The following KCNMA1 variants were observed in gnomAD, a reference collection of about 807,000 sequenced individuals.
KCNMA1 encodes potassium calcium-activated channel subfamily M alpha 1.
KCNMA1 carries 29 observed loss-of-function variants against 140.0 expected under a neutral mutation model. The observed-to-expected ratio is 0.21, with a 90% CI of 0.15 to 0.28. The LOEUF (loss-of-function observed/expected upper bound fraction) is 0.28, where lower values mean the gene tolerates loss of function less well. Among genes scored for constraint, KCNMA1 ranks in the 10% least tolerant of loss-of-function variants. The pLI, the probability that KCNMA1 is intolerant of heterozygous loss-of-function variation, is 1.00. For missense variants in KCNMA1, 880 were observed against 1,602.2 expected (o/e 0.55, Z 7.70); for synonymous variants, 612 against 611.9 (o/e 1.00, Z 0.00).
intron 2 of KCNMA1, among the ~76,000 whole-genome samples, chr10:77,283,332 C>A (rs1359929430): frequency 6.6e-6 from 1 of 152,172 alleles, no homozygotes; most frequent in African/African-American, 2.4e-5. Context: ...CACTCTGGCT[C>A]GAGGAGGAGG....
chr10:77,000,199 A>C (rs2085756881), intron 19 of KCNMA1, among the ~76,000 whole-genome samples: 1 of 152,220 alleles, frequency 6.6e-6, no homozygotes, highest in Admixed American at 6.5e-5. Flanking sequence ...AGAGGTTAGC[A>C]ATATATGTGT....
chr10:76,980,710 G>T (rs2079168279), intron 19 of KCNMA1: 1 of 152,114 alleles, frequency 6.6e-6, no homozygotes, highest in Admixed American at 6.5e-5. Flanking sequence ...GCTGCCTACT[G>T]TACCCCCATA....
At chr10:76,968,075 G>T (rs1476411862) in intron 20 of KCNMA1, among the ~76,000 whole-genome samples, 1 of 152,002 alleles carries the variant, frequency 6.6e-6, no homozygotes, top group East Asian at 1.9e-4. Flanking sequence ...TTTTCTGCTT[G>T]TGGAAAAAAA....
chr10:77,389,635 G>A (rs187329851), intron 2 of KCNMA1, among the ~76,000 whole-genome samples: 1 of 152,124 alleles, frequency 6.6e-6, no homozygotes, highest in Non-Finnish European at 1.5e-5. Context: ...ACTGAGGAAG[G>A]TTCCAAAAGA....
chr10:77,241,280 C>CA (rs1365260403), intron 3 of KCNMA1, among the ~76,000 whole-genome samples: 3 of 151,870 alleles, frequency 2.0e-5, no homozygotes, highest in Non-Finnish European at 4.4e-5. Context: ...TTATGGGACA[C>CA]AAAAAAGTCT....
At chr10:77,070,348 A>G (rs1307893246) in intron 14 of KCNMA1, among the ~76,000 whole-genome samples, 1 of 152,142 alleles carries the variant, frequency 6.6e-6, no homozygotes, top group Non-Finnish European at 1.5e-5. Flanking sequence ...CCCAGTGGAT[A>G]GTCACTGTGC....
intron 2 of KCNMA1, among the ~76,000 whole-genome samples, chr10:77,261,424 T>C (rs951706355): frequency 1.3e-5 from 2 of 152,140 alleles, no homozygotes; most frequent in African/African-American, 2.4e-5. Flanking sequence ...GACATAACTA[T>C]AGGGCCAGAG....
intron 15 of KCNMA1, among the ~76,000 whole-genome samples, chr10:77,030,508 G>A (rs994910579): frequency 2.6e-5 from 4 of 152,156 alleles, no homozygotes; most frequent in African/African-American, 9.7e-5. Context: ...TCGTGCAAAG[G>A]TTAATTTGCT....
chr10:77,304,485 G>A (rs1466265169), intron 2 of KCNMA1: 8 of 152,160 alleles, frequency 5.3e-5, no homozygotes, highest in Non-Finnish European at 8.8e-5. Flanking sequence ...CATGGAACGG[G>A]GAATGATCGA....
intron 1 of KCNMA1, among the ~76,000 whole-genome samples, chr10:77,408,535 T>C (rs1306770432): frequency 2.0e-5 from 3 of 152,172 alleles, no homozygotes; most frequent in Non-Finnish European, 4.4e-5. Context: ...CATCTGTGTG[T>C]GTGCTCACAC....
intron 2 of KCNMA1, among the ~76,000 whole-genome samples, chr10:77,386,414 G>A (rs1180995459): frequency 6.6e-6 from 1 of 152,198 alleles, no homozygotes; most frequent in Non-Finnish European, 1.5e-5. Flanking sequence ...ATTGAGGAAC[G>A]AATGAGGAGT....
chr10:77,086,599 C>T lies in KCNMA1; in HGVS notation c.1335-6G>A, dbSNP rs199782957. 12 of 1,599,872 alleles carry T rather than the reference C, an allele frequency of 7.5e-6. No individual in the cohort carries two copies. Among genetic ancestry groups the T allele is most frequent in the Admixed American group, 1.7e-5 (1 of 59,960 alleles). On this transcript the variant is annotated splice_region_variant and splice_polypyrimidine_tract_variant and intron_variant, in intron 10 of 27. Coordinates refer to ENST00000286628, the MANE Select transcript of KCNMA1 (RefSeq NM_001161352.2). ...GCTCCAGGTTGGGGGAGATGCTACA[C>T]AGGGAGAGAAGAAATCGCTATTAAT... is the stretch of plus-strand genomic sequence containing the variant.
At chr10:77,405,956 G>A (rs1156471670) in intron 1 of KCNMA1, among the ~76,000 whole-genome samples, 1 of 152,176 alleles carries the variant, frequency 6.6e-6, no homozygotes, top group Non-Finnish European at 1.5e-5. Context: ...GGCTGCCTGT[G>A]GCTCAGGGAA....
chr10:77,102,968 A>G (rs2097131470), intron 9 of KCNMA1, among the ~76,000 whole-genome samples: 1 of 152,162 alleles, frequency 6.6e-6, no homozygotes, highest in Non-Finnish European at 1.5e-5. Flanking sequence ...ACCCAGCATC[A>G]TGCCTGATGC....
chr10:77,630,585 C>T (rs1438519397), intron 1 of KCNMA1, among the ~76,000 whole-genome samples: 1 of 152,208 alleles, frequency 6.6e-6, no homozygotes, highest in Non-Finnish European at 1.5e-5. Flanking sequence ...CTTCTCATCC[C>T]TTCCCCCTTC....
intron 14 of KCNMA1, among the ~76,000 whole-genome samples, chr10:77,040,435 A>T (rs1157220145): frequency 1.3e-5 from 2 of 152,238 alleles, no homozygotes; most frequent in African/African-American, 4.8e-5. Context: ...GCACACATAC[A>T]ATGGAATACT....
chr10:77,373,455 G>T (rs1359160776), intron 2 of KCNMA1, among the ~76,000 whole-genome samples: 1 of 152,090 alleles, frequency 6.6e-6, no homozygotes, highest in Admixed American at 6.5e-5. Context: ...TTCCTCATAG[G>T]GTTGAACATC....
chr10:77,035,033 T>C (rs951983931), intron 15 of KCNMA1, among the ~76,000 whole-genome samples: 1 of 151,772 alleles, frequency 6.6e-6, no homozygotes, highest in Non-Finnish European at 1.5e-5. Context: ...GGTAGGGGAG[T>C]GCACCCTCGC....
chr10:77,421,774 G>A (rs1449075813), intron 1 of KCNMA1, among the ~76,000 whole-genome samples: 1 of 152,250 alleles, frequency 6.6e-6, no homozygotes, highest in Non-Finnish European at 1.5e-5. Flanking sequence ...TCCTGCACTA[G>A]ACTATCAGTT....
Sources: gnomAD v4.1 joint callset for allele counts (sites outside exome capture counted in the v4.1 genomes callset) on GRCh38, gnomAD v4.1.1 for gene constraint, MANE v1.5 for transcripts, NCBI Gene and HGNC (gene_info 2026-07-23, HGNC 2026-07-21) for gene names.